Variants in NCBP1 observed in about 807,000 individuals in gnomAD.
The protein encoded by NCBP1 is nuclear cap binding protein subunit 1, also known as nuclear cap-binding protein subunit 1.
In NCBP1, 16 loss-of-function variants were observed where a neutral mutation model predicts 111.7. The ratio of observed to expected loss-of-function variants is 0.14; its 90% CI spans 0.10 to 0.22. NCBP1 has a LOEUF of 0.22. NCBP1 is among the 10% of genes least tolerant of loss of function. NCBP1 has a pLI of 1.00. For missense variants in NCBP1, 607 were observed against 957.5 expected, an observed-to-expected ratio of 0.63 and a Z score of 4.83; for synonymous variants, 304 against 314.3, an observed-to-expected ratio of 0.97 and a Z score of 0.35.
intron 8 of NCBP1, among the ~76,000 whole-genome samples, chr9:97,649,963 T>C (rs1229204837): frequency 6.6e-6 from 1 of 152,156 alleles, no homozygotes. Context: ...AAAAAAAAGA[T>C]TAGAATCATC....
intron 8 of NCBP1, among the ~76,000 whole-genome samples, chr9:97,648,509 G>A (rs1447253901): frequency 2.0e-5 from 3 of 152,102 alleles, no homozygotes; most frequent in Admixed American, 6.5e-5. Flanking sequence ...TTTAATCTTG[G>A]TTTAGCCAAA....
Position 97,673,562 on chromosome 9 carries a change from T to C in NCBP1, c.*2363T>C, listed in dbSNP as rs1056324758. ...GTCCCAGTCTAGCAGCTTTAGTGTA[T>C]GGAAAAATTGAACTAGGAATTGAGT... On this transcript the variant is annotated 3_prime_UTR_variant, in exon 23 of 23. Transcript: ENST00000375147. The C allele has an allele frequency of 1.3e-5, 2 of 152,184 alleles. No individual in the cohort carries two copies. The highest frequency in any genetic ancestry group is 2.9e-5 in the Non-Finnish European group (2 of 68,034). 9.4% of individuals were successfully genotyped at this position (152,184 alleles called of 1,614,324 possible).
At chr9:97,656,302 C>G (rs1827652190) in intron 14 of NCBP1, among the ~76,000 whole-genome samples, 1 of 152,240 alleles carries the variant, frequency 6.6e-6, no homozygotes, top group South Asian at 2.1e-4. Context: ...ATGTCACAGG[C>G]CGGGCGCAGT....
In NCBP1 at chr9:97,671,233, G is replaced by T; in HGVS notation, c.*34G>T. 7.1e-7 allele frequency: 1 copy of T among 1,413,180 alleles called. No homozygotes were observed. Among genetic ancestry groups the T allele is most frequent in the South Asian group, 1.2e-5 (1 of 81,652 alleles). The allele number at this position is 1,413,180 out of a possible 1,614,324, so 87.5% of individuals were successfully genotyped here. ...TTTTCCTCATGTCAAGGTTTTTTTTGATATCTTAAAATAATTTGTCTTATT... is the reference window on the plus strand; with the variant it reads ...TTTTCCTCATGTCAAGGTTTTTTTTTATATCTTAAAATAATTTGTCTTATT... On this transcript the variant is annotated 3_prime_UTR_variant, in exon 23 of 23. Coordinates refer to ENST00000375147, the MANE Select transcript of NCBP1 (RefSeq NM_002486.5).
Position 97,669,670 on chromosome 9 carries a change from G to T in NCBP1, c.2223G>T (p.Lys741Asn), listed in dbSNP as rs748888761. 1.3e-5 allele frequency: 21 copies of T among 1,610,168 alleles called. No individual in the cohort carries two copies. The highest frequency in any genetic ancestry group is 3.3e-5 in the Admixed American group (2 of 59,978). ...CCAGTGTATTAACACCATGGTATAA[G>T]AACTGTATAGAGAGGCTGCAGCAGA... The part of the protein sequence containing the change: ...DGTSVLTPWY[K>N]NCIERLQQIF... The change falls in exon 22 of 23, where the codon AAG becomes AAT. Residue 741 changes from lysine (K) to asparagine (N), a missense_variant. By Grantham distance (94) the Lys-to-Asn change is moderately conservative. Coordinates refer to ENST00000375147, the MANE Select transcript of NCBP1 (RefSeq NM_002486.5).
chr9:97,649,645 A>C (rs1292347381), intron 8 of NCBP1, among the ~76,000 whole-genome samples: 5 of 152,170 alleles, frequency 3.3e-5, no homozygotes, highest in African/African-American at 1.2e-4. Context: ...TATGTAACCA[A>C]ATACTTTAGT....
chr9:97,664,923 C>T (rs547098723), intron 19 of NCBP1, among the ~76,000 whole-genome samples: 1 of 152,178 alleles, frequency 6.6e-6, no homozygotes, highest in Non-Finnish European at 1.5e-5. Flanking sequence ...GGGGTTCTCA[C>T]CACAGTCATA....
At chr9:97,650,321 CTG>C (rs901294984) in intron 8 of NCBP1, among the ~76,000 whole-genome samples, 180 bp from the exon 9 acceptor site, 2 of 152,148 alleles carry the variant, frequency 1.3e-5, no homozygotes, top group African/African-American at 4.8e-5. Context: ...AGCTGATACT[CTG>C]GGGTATAAGT....
Position 97,645,690 on chromosome 9 carries a change from C to G in NCBP1, c.569C>G (p.Ala190Gly). ...VGKELYEKKD[A>G]EMDRIFANTE... ...AAGGAGTTGTACGAAAAGAAAGATGCAGAGATGGACCGCATCTTTGCCAAC... is the reference window on the plus strand; with the variant it reads ...AAGGAGTTGTACGAAAAGAAAGATGGAGAGATGGACCGCATCTTTGCCAAC... The change falls in exon 6 of 23, where the codon GCA becomes GGA. Residue 190 changes from alanine to glycine, a missense_variant. Around this residue, in one of 9 missense-constraint regions of NCBP1, gnomAD observed 185 missense variants for 272.0 expected, o/e 0.68. Transcript: ENST00000375147. The G allele has an allele frequency of 1.9e-6, 3 of 1,614,006 alleles. No homozygotes were observed. Among genetic ancestry groups the G allele is most frequent in the Non-Finnish European group, 1.7e-6 (2 of 1,179,940 alleles).
intron 1 of NCBP1, chr9:97,634,739 ATTG>A (rs1826951118): frequency 6.6e-6 from 1 of 152,236 alleles, no homozygotes; most frequent in African/African-American, 2.4e-5. Context: ...GAGTAATTCT[ATTG>A]TTAACATTTT....
In NCBP1 at chr9:97,671,379, TC is replaced by T. The variant is rs1828188481; in HGVS notation, c.*182del. 1.8e-6 allele frequency: 1 copy of T among 543,154 alleles called. No individual in the cohort carries two copies. The highest frequency in any genetic ancestry group is 3.4e-5 in the Admixed American group (1 of 29,536). 33.6% of individuals were successfully genotyped at this position (543,154 alleles called of 1,614,324 possible). ...TTAATTGCCCTGAAAAGCAAATACT[TC>T]CTAACGGCAGTAATGTGACTATGAC... is the stretch of plus-strand genomic sequence containing the variant. On this transcript the variant is annotated 3_prime_UTR_variant, in exon 23 of 23. Transcript: ENST00000375147.
chr9:97,641,707 C>A, intron 3 of NCBP1, 45 bp downstream of exon 3: 1 of 1,503,538 alleles, frequency 6.7e-7, no homozygotes. Flanking sequence ...AATGTATTAT[C>A]TACTCTTAAA....
At chr9:97,648,842 T>A (rs1009721843) in intron 8 of NCBP1, among the ~76,000 whole-genome samples, 1 of 152,182 alleles carries the variant, frequency 6.6e-6, no homozygotes, top group African/African-American at 2.4e-5. Context: ...CCTGAGTAGC[T>A]GGGACCACAG....
intron 20 of NCBP1, among the ~76,000 whole-genome samples, chr9:97,667,866 A>G (rs1828055543): frequency 1.3e-5 from 2 of 152,238 alleles, no homozygotes; most frequent in African/African-American, 4.8e-5. Context: ...GCCCCATTGA[A>G]GAAAGGTCTA....
intron 11 of NCBP1, 83 bp from the exon 12 acceptor site, chr9:97,654,797 G>T: frequency 8.3e-7 from 1 of 1,197,744 alleles, no homozygotes; most frequent in Non-Finnish European, 1.2e-6. Context: ...ATAAAGACTT[G>T]AAATGTTTTA....
intron 8 of NCBP1, among the ~76,000 whole-genome samples, chr9:97,649,618 G>A (rs1426639493): frequency 2.0e-5 from 3 of 152,064 alleles, no homozygotes; most frequent in African/African-American, 4.8e-5. Context: ...GCTTGCTGCC[G>A]TCTTTGCTAT....
intron 8 of NCBP1, among the ~76,000 whole-genome samples, chr9:97,648,812 C>T (rs1216186822): frequency 1.3e-5 from 2 of 152,114 alleles, no homozygotes; most frequent in Non-Finnish European, 2.9e-5. Context: ...TGTGCTCAAG[C>T]GATCCTTCCA....
At chr9:97,659,853 T>G (rs1218905355) in intron 15 of NCBP1, among the ~76,000 whole-genome samples, 1 of 152,254 alleles carries the variant, frequency 6.6e-6, no homozygotes, top group Non-Finnish European at 1.5e-5. Flanking sequence ...CCATTGTTCC[T>G]ACTTTGTTAT....
chr9:97,662,823 A>G, intron 17 of NCBP1, 131 bp from the exon 18 acceptor site: 2 of 652,404 alleles, frequency 3.1e-6, no homozygotes, highest in Non-Finnish European at 5.1e-6. Context: ...TGCATCCTTA[A>G]TGGTTAATAC....
Sources: gnomAD v4.1 joint callset for allele counts (sites outside exome capture counted in the v4.1 genomes callset) on GRCh38, gnomAD v4.1.1 for gene constraint, gnomAD v4.1.1 regional missense constraint, MANE v1.5 for transcripts, NCBI Gene and HGNC (gene_info 2026-07-23, HGNC 2026-07-21) for gene names.